Variants in MAGI2 observed in about 807,000 individuals in gnomAD.
MAGI2 encodes membrane-associated guanylate kinase, WW and PDZ domain-containing protein 2.
MAGI2 carries 35 observed loss-of-function variants against 133.3 expected under a neutral mutation model. The ratio of observed to expected loss-of-function variants is 0.26; its 90% CI spans 0.20 to 0.35. MAGI2 has a LOEUF of 0.35. MAGI2 is among the 10% of genes least tolerant of loss of function. The pLI, the probability that MAGI2 is intolerant of heterozygous loss-of-function variation, is 1.00. For missense variants in MAGI2, 1,636 were observed against 1,863.4 expected, an observed-to-expected ratio of 0.88 and a Z score of 2.25; for synonymous variants, 729 against 710.6, an observed-to-expected ratio of 1.03 and a Z score of -0.41.
intron 4 of MAGI2, among the ~76,000 whole-genome samples, chr7:78,509,734 G>T (rs1030013): frequency 0.024 from 3,594 of 152,224 alleles, 76 homozygotes; most frequent in East Asian, 0.069. Flanking sequence ...TTTCATTAAA[G>T]AATAACCAGA....
intron 6 of MAGI2, among the ~76,000 whole-genome samples, chr7:78,386,705 T>C (rs1004565806): frequency 6.6e-6 from 1 of 152,158 alleles, no homozygotes; most frequent in African/African-American, 2.4e-5. Context: ...GTATATCATA[T>C]TGAGCAGTGA....
At chr7:79,368,508 C>T (rs1217699412) in intron 1 of MAGI2, among the ~76,000 whole-genome samples, 1 of 152,120 alleles carries the variant, frequency 6.6e-6, no homozygotes, top group Non-Finnish European at 1.5e-5. Context: ...GGAAAAAAAT[C>T]ATTTCCACTT....
At chr7:78,693,594 A>G (rs1817195235) in intron 2 of MAGI2, among the ~76,000 whole-genome samples, 1 of 152,146 alleles carries the variant, frequency 6.6e-6, no homozygotes, top group South Asian at 2.1e-4. Context: ...AAATGTTCAG[A>G]GGCTTGGGAA....
Position 79,393,691 on chromosome 7 carries a change from A to G in MAGI2, c.301+59329T>C, listed in dbSNP as rs967957067. The stretch of plus-strand genomic sequence containing the variant: ...ATCCCACAGGTATTACTTGTTTCAT[A>G]TCAATAATTTAATTTCTAAGAGCAA... On this transcript the variant is annotated intron_variant, in intron 1 of 21. Transcript: ENST00000354212. 2.0e-5 allele frequency among the ~76,000 whole-genome samples: 3 copies of G among 152,324 alleles called. No homozygotes were observed. The East Asian group carries it at 5.8e-4, about 29-fold the overall frequency.
intron 2 of MAGI2, among the ~76,000 whole-genome samples, chr7:78,642,648 AT>A (rs1248308351): frequency 2.0e-5 from 3 of 152,184 alleles, no homozygotes; most frequent in East Asian, 3.8e-4. Flanking sequence ...TATATGAGAA[AT>A]TTTTTTATGT....
At chr7:78,974,672 C>G (rs577044724) in intron 2 of MAGI2, among the ~76,000 whole-genome samples, 1 of 151,586 alleles carries the variant, frequency 6.6e-6, no homozygotes, top group African/African-American at 2.4e-5. Flanking sequence ...TTATTGTAAT[C>G]TCATTTATCT....
intron 4 of MAGI2, 132 bp downstream of exon 4, chr7:78,521,298 G>A: frequency 1.9e-6 from 1 of 534,404 alleles, no homozygotes; most frequent in Non-Finnish European, 3.3e-6. Context: ...ACACACAGAT[G>A]TAAGAAATAT....
intron 19 of MAGI2, 137 bp downstream of exon 19, chr7:78,127,060 G>A (rs1821056519): frequency 3.3e-6 from 2 of 607,944 alleles, no homozygotes; most frequent in African/African-American, 1.9e-5. Context: ...GTGTTACCCC[G>A]ATGTTACCAG....
At chr7:78,255,584 T>C in intron 10 of MAGI2, 1 of 457,754 alleles carries the variant, frequency 2.2e-6, no homozygotes, top group Non-Finnish European at 3.8e-6. Context: ...AAAGCAGGTT[T>C]CTTAATTAAA....
At chr7:79,049,521 G>C (rs1218925583) in intron 1 of MAGI2, among the ~76,000 whole-genome samples, 1 of 152,110 alleles carries the variant, frequency 6.6e-6, no homozygotes, top group Non-Finnish European at 1.5e-5. Flanking sequence ...TTACAGACTT[G>C]TATCCTAAAT....
chr7:78,799,612 A>G (rs1279263055), intron 2 of MAGI2, among the ~76,000 whole-genome samples: 2 of 152,080 alleles, frequency 1.3e-5, no homozygotes, highest in East Asian at 1.9e-4. Flanking sequence ...CTCTTTTTCT[A>G]TGAGGTATAA....
intron 10 of MAGI2, among the ~76,000 whole-genome samples, chr7:78,235,845 G>GT (rs373226607): frequency 1.4e-4 from 22 of 151,864 alleles, no homozygotes; most frequent in East Asian, 5.8e-4. Context: ...GAACCCTGGG[G>GT]TTTTTTTTAC....
chr7:78,204,210 G>A (rs1829523693), intron 10 of MAGI2, among the ~76,000 whole-genome samples: 1 of 152,122 alleles, frequency 6.6e-6, no homozygotes, highest in African/African-American at 2.4e-5. Context: ...TTTCTATTGG[G>A]CATGATTATT....
intron 2 of MAGI2, among the ~76,000 whole-genome samples, chr7:78,757,163 C>A (rs956738336): frequency 5.3e-5 from 8 of 152,112 alleles, no homozygotes; most frequent in African/African-American, 1.9e-4. Flanking sequence ...ATAAGTGCAA[C>A]CTTGTTCCTG....
At chr7:78,225,327 C>T (rs1789269569) in intron 10 of MAGI2, among the ~76,000 whole-genome samples, 1 of 151,806 alleles carries the variant, frequency 6.6e-6, no homozygotes, top group Admixed American at 6.6e-5. Context: ...GAAGACCCTT[C>T]CCACATTTAA....
At chr7:78,389,882 AG>A (rs1226504979) in intron 6 of MAGI2, among the ~76,000 whole-genome samples, 1 of 152,232 alleles carries the variant, frequency 6.6e-6, no homozygotes, top group African/African-American at 2.4e-5. Context: ...AAACCATTAA[AG>A]GTTTAGTTAC....
intron 2 of MAGI2, among the ~76,000 whole-genome samples, chr7:78,984,879 C>G (rs1224788625): frequency 6.6e-6 from 1 of 152,020 alleles, no homozygotes; most frequent in African/African-American, 2.4e-5. Context: ...TGCTTTACCT[C>G]CAGTACCTAG....
At chr7:78,639,026 T>C (rs1342228001) in intron 2 of MAGI2, among the ~76,000 whole-genome samples, 2 of 152,206 alleles carry the variant, frequency 1.3e-5, no homozygotes, top group African/African-American at 4.8e-5. Flanking sequence ...AGAACTAGAC[T>C]GTGTGGATAC....
chr7:78,033,728 G>A (rs1309384445), intron 21 of MAGI2, among the ~76,000 whole-genome samples: 1 of 152,150 alleles, frequency 6.6e-6, no homozygotes, highest in African/African-American at 2.4e-5. Context: ...TCTGCTAGAT[G>A]CAGAGAGTAG....
Sources: allele counts gnomAD v4.1 joint callset (sites outside exome capture counted in the v4.1 genomes callset), GRCh38; gene constraint gnomAD v4.1.1; transcripts MANE v1.5; gene names NCBI Gene and HGNC (gene_info 2026-07-23, HGNC 2026-07-21).